The following COL17A1 variants were observed in gnomAD, a reference collection of about 807,000 sequenced individuals.
The protein encoded by COL17A1 is collagen type XVII alpha 1 chain, also known as collagen alpha-1(XVII) chain.
In COL17A1, 181 loss-of-function variants were observed where a neutral mutation model predicts 218.4. That is an observed-to-expected ratio of 0.83 (90% CI 0.73 to 0.94). The LOEUF (loss-of-function observed/expected upper bound fraction) is 0.94. Ranked by LOEUF, COL17A1 falls within the 40% of genes least tolerant of loss-of-function variation. The pLI is 0.00. For missense variants in COL17A1, 1,924 were observed against 1,945.9 expected (o/e 0.99, Z 0.21); for synonymous variants, 721 against 731.0 (o/e 0.99, Z 0.22).
intron 32 of COL17A1, among the ~76,000 whole-genome samples, chr10:104,046,035 C>T (rs927167775): frequency 3.3e-5 from 5 of 152,184 alleles, no homozygotes; most frequent in Non-Finnish European, 5.9e-5. Flanking sequence ...CCTATGGGCT[C>T]AGTTTTGGAG....
chr10:104,044,924 G>C (rs1288552375), intron 33 of COL17A1, among the ~76,000 whole-genome samples: 1 of 152,142 alleles, frequency 6.6e-6, no homozygotes, highest in Non-Finnish European at 1.5e-5. Flanking sequence ...ATTACATTTA[G>C]TTAGCCCTAA....
chr10:104,081,475 G>A (rs553195298), intron 1 of COL17A1, among the ~76,000 whole-genome samples: 18 of 152,256 alleles, frequency 1.2e-4, no homozygotes, highest in Non-Finnish European at 2.4e-4. Flanking sequence ...GTTGCCAAAC[G>A]GTGGTGGGGA....
chr10:104,052,838 T>C (rs1346404769), intron 23 of COL17A1, among the ~76,000 whole-genome samples, 193 bp downstream of exon 23: 1 of 152,186 alleles, frequency 6.6e-6, no homozygotes, highest in African/African-American at 2.4e-5. Flanking sequence ...TTCTCAGCCC[T>C]AGGCCTGGCC....
At position 104,032,661 on chromosome 10, in the gene COL17A1, A is replaced by G. The variant is rs886046682; in HGVS notation, c.4438+13T>C. 1.9e-6 allele frequency: 3 copies of G among 1,612,998 alleles called. No homozygotes were observed. Among genetic ancestry groups the G allele is most frequent in the Non-Finnish European group, 1.7e-6 (2 of 1,179,188 alleles). ...CTCCAGAACATGCAAAACGTGGAGC[A>G]GTCAACACTTACCTTTGTCTCCTTT... is the stretch of plus-strand genomic sequence containing the variant. On this transcript the variant is annotated intron_variant, in intron 55 of 55. Coordinates refer to ENST00000648076, the MANE Select transcript of COL17A1 (RefSeq NM_000494.4).
At chr10:104,052,835 C>T (rs562173166) in intron 23 of COL17A1, among the ~76,000 whole-genome samples, 196 bp downstream of exon 23, 2 of 152,332 alleles carry the variant, frequency 1.3e-5, no homozygotes, top group African/African-American at 4.8e-5. Context: ...GGGTTCTCAG[C>T]CCTAGGCCTG....
At chr10:104,069,198 G>A (rs2086650586) in intron 9 of COL17A1, among the ~76,000 whole-genome samples, 1 of 152,172 alleles carries the variant, frequency 6.6e-6, no homozygotes, top group East Asian at 1.9e-4. Context: ...GCCCAAAATA[G>A]GGAGACTAAA....
chr10:104,064,628 A>C (rs781102818), intron 9 of COL17A1, 32 bp from the exon 10 acceptor site: 16 of 1,595,058 alleles, frequency 1.0e-5, no homozygotes, highest in Non-Finnish European at 1.4e-5. Context: ...CACCCCAGTG[A>C]GAGACAAATC....
intron 8 of COL17A1, among the ~76,000 whole-genome samples, chr10:104,071,691 C>T (rs111259457): frequency 2.8e-4 from 42 of 152,198 alleles, no homozygotes; most frequent in African/African-American, 4.8e-4. Flanking sequence ...ACACCTACCC[C>T]GGGAAGTCTT....
At position 104,034,729 on chromosome 10, in the gene COL17A1, G is replaced by A; in HGVS notation, c.3658C>T (p.Pro1220Ser). ...LSFIPGPPGP[P>S]GPPGPRGPPG... ...GGCCCTCGAGGCCCTGGGGGACCAG[G>A]AGGTCCTGGAGGGCCTGGGATGAAT... is the stretch of plus-strand genomic sequence containing the variant. The change falls in exon 51 of 56, where the codon CCT becomes TCT. Residue 1220 changes from proline to serine, a missense_variant. Pro to Ser is a moderately conservative substitution (Grantham distance 74, BLOSUM62 -1). Coordinates refer to ENST00000648076, the MANE Select transcript of COL17A1 (RefSeq NM_000494.4). The A allele has an allele frequency of 6.2e-7, 1 of 1,612,490 alleles. No homozygotes were observed. Among genetic ancestry groups the A allele is most frequent in the Non-Finnish European group, 8.5e-7 (1 of 1,179,602 alleles).
At chr10:104,062,982 C>T (rs1291944445) in intron 11 of COL17A1, among the ~76,000 whole-genome samples, 1 of 152,156 alleles carries the variant, frequency 6.6e-6, no homozygotes, top group African/African-American at 2.4e-5. Context: ...CAGGACTTTG[C>T]AAAGCAAAAT....
chr10:104,066,102 G>A (rs1366716986), intron 9 of COL17A1, among the ~76,000 whole-genome samples: 2 of 152,114 alleles, frequency 1.3e-5, no homozygotes, highest in African/African-American at 4.8e-5. Flanking sequence ...CTGCAAAATA[G>A]CTCATTTTTG....
intron 7 of COL17A1, 39 bp from the exon 8 acceptor site, chr10:104,072,118 G>C: frequency 6.2e-7 from 1 of 1,613,696 alleles, no homozygotes; most frequent in Non-Finnish European, 8.5e-7. Context: ...GTGAATGAAG[G>C]AGCTTAGATC....
intron 32 of COL17A1, 21 bp downstream of exon 32, chr10:104,046,726 G>T: frequency 6.2e-7 from 1 of 1,613,266 alleles, no homozygotes; most frequent in South Asian, 1.1e-5. Flanking sequence ...GACAGCAGGT[G>T]GGAATGATCC....
At chr10:104,042,281 G>A in intron 36 of COL17A1, 139 bp downstream of exon 36, 1 of 863,506 alleles carries the variant, frequency 1.2e-6, no homozygotes, top group East Asian at 2.6e-5. Flanking sequence ...CAAGACCCCG[G>A]TGAAGAGCCC....
chr10:104,059,539 C>T (rs1333131895), intron 15 of COL17A1, 99 bp downstream of exon 15: 2 of 1,083,046 alleles, frequency 1.8e-6, no homozygotes, highest in Non-Finnish European at 2.9e-6. Flanking sequence ...ATGCTGCTGG[C>T]CCGTGGACCA....
chr10:104,084,986 G>A (rs1004510770), intron 1 of COL17A1, among the ~76,000 whole-genome samples: 2 of 152,200 alleles, frequency 1.3e-5, no homozygotes, highest in African/African-American at 2.4e-5. Flanking sequence ...ACCAGTTAAC[G>A]TCATCCACTT....
At position 104,041,236 on chromosome 10, in the gene COL17A1, C is replaced by T. The variant is rs150231893; in HGVS notation, c.2647+67G>A. The stretch of plus-strand genomic sequence containing the variant: ...AAGCCAGCCCAGAGGGCCCTGGGCT[C>T]AGGGTCCCATTGCTACCCACCTCTC... On this transcript the variant is annotated intron_variant, in intron 38 of 55. Coordinates refer to ENST00000648076, the MANE Select transcript of COL17A1 (RefSeq NM_000494.4). 123 of 1,602,910 alleles carry T rather than the reference C, an allele frequency of 7.7e-5. No homozygotes were observed. The East Asian group carries it at 2.7e-3, about 35-fold the overall frequency.
intron 32 of COL17A1, among the ~76,000 whole-genome samples, chr10:104,046,087 A>G (rs1348717200): frequency 6.6e-6 from 1 of 152,172 alleles, no homozygotes; most frequent in East Asian, 1.9e-4. Flanking sequence ...GAGCCTGCAG[A>G]GCAGCCTCTG....
At chr10:104,077,371 C>A in intron 4 of COL17A1, 51 bp downstream of exon 4, 1 of 1,449,412 alleles carries the variant, frequency 6.9e-7, no homozygotes, top group African/African-American at 1.4e-5. Context: ...CTTGGTGTCT[C>A]TCTCTTTGTC....
Sources: gnomAD v4.1 joint callset for allele counts (sites outside exome capture counted in the v4.1 genomes callset) on GRCh38, gnomAD v4.1.1 for gene constraint, MANE v1.5 for transcripts, NCBI Gene and HGNC (gene_info 2026-07-23, HGNC 2026-07-21) for gene names.